Variants in CTPS2 observed in about 807,000 individuals in gnomAD.
CTPS2 encodes CTP synthase 2.
A neutral mutation model predicts 46.8 loss-of-function variants in CTPS2; 19 were observed. That is an observed-to-expected ratio of 0.41 (90% CI 0.28 to 0.60). The LOEUF (loss-of-function observed/expected upper bound fraction) is 0.60. Among genes scored for constraint, CTPS2 ranks in the 20% least tolerant of loss-of-function variants. The pLI is 0.35. For missense variants in CTPS2, 286 were observed against 447.6 expected (o/e 0.64, Z 3.26); for synonymous variants, 151 against 165.2 (o/e 0.91, Z 0.66).
chrX:16,666,947 C>T (rs1176006086), intron 13 of CTPS2, among the ~76,000 whole-genome samples: 1 of 111,177 alleles, frequency 9.0e-6, no homozygotes, highest in Non-Finnish European at 1.9e-5. Flanking sequence ...GTTGTCACAG[C>T]CGATTTAATC....
intron 16 of CTPS2, among the ~76,000 whole-genome samples, chrX:16,610,444 C>A (rs987728589): frequency 9.0e-6 from 1 of 111,274 alleles, no homozygotes; most frequent in Non-Finnish European, 1.9e-5. Context: ...AAAGCTACTA[C>A]TACAGTAATA....
chrX:16,657,149 C>G (rs1932838802), intron 13 of CTPS2, among the ~76,000 whole-genome samples: 1 of 108,177 alleles, frequency 9.2e-6, no homozygotes, highest in Non-Finnish European at 1.9e-5. Flanking sequence ...CTTCGTCTCC[C>G]AAAGTGCTGG....
intron 1 of CTPS2, among the ~76,000 whole-genome samples, chrX:16,709,148 C>T (rs1456900178): frequency 9.0e-6 from 1 of 110,970 alleles, no homozygotes; most frequent in Non-Finnish European, 1.9e-5. Flanking sequence ...GCTTATGTGG[C>T]CGGGCACGGT....
chrX:16,640,266 C>T (rs373612831), intron 13 of CTPS2, among the ~76,000 whole-genome samples: 3 of 111,493 alleles, frequency 2.7e-5, no homozygotes, highest in Non-Finnish European at 5.6e-5. Flanking sequence ...CCCGCCGTGG[C>T]GACTTGGCCC....
intron 1 of CTPS2, among the ~76,000 whole-genome samples, chrX:16,709,218 A>G (rs1199909663): frequency 9.1e-6 from 1 of 109,493 alleles, no homozygotes; most frequent in Non-Finnish European, 1.9e-5. Context: ...GCCTGAGCTC[A>G]GGAGTTCGAG....
intron 13 of CTPS2, among the ~76,000 whole-genome samples, chrX:16,663,481 T>C (rs68113966): frequency 0.13 from 14,064 of 111,021 alleles, 663 homozygotes; most frequent in East Asian, 0.16. Flanking sequence ...CATATTCATA[T>C]GTGTGTGGCT....
intron 15 of CTPS2, among the ~76,000 whole-genome samples, chrX:16,618,497 T>C (rs979352649): frequency 4.5e-5 from 5 of 111,955 alleles, no homozygotes; most frequent in African/African-American, 3.2e-5. Context: ...GTAATTCTTA[T>C]GTCTAACTTT....
At chrX:16,701,559 C>A (rs1397059396) in intron 2 of CTPS2, among the ~76,000 whole-genome samples, 6 of 107,143 alleles carry the variant, frequency 5.6e-5, no homozygotes, top group Non-Finnish European at 1.2e-4. Context: ...GACCCTGTCT[C>A]AAAAAACAAA....
intron 8 of CTPS2, among the ~76,000 whole-genome samples, chrX:16,687,491 A>AG (rs1555973186): frequency 9.7e-4 from 105 of 107,982 alleles, no homozygotes; most frequent in African/African-American, 2.8e-3. Flanking sequence ...AAAAAAAAAA[A>AG]AAAGAAAGAA....
intron 17 of CTPS2, among the ~76,000 whole-genome samples, chrX:16,599,442 A>C (rs1394796778): frequency 9.2e-6 from 1 of 108,467 alleles, no homozygotes; most frequent in African/African-American, 3.4e-5. Context: ...AATGGTCAAC[A>C]TGTAGTTCTT....
At chrX:16,685,675 G>A (rs1569229876) in intron 8 of CTPS2, among the ~76,000 whole-genome samples, 1 of 105,392 alleles carries the variant, frequency 9.5e-6, no homozygotes, top group Admixed American at 1.0e-4. Context: ...TGGCTAACAT[G>A]GTGAAACCCC....
At chrX:16,597,054 T>C (rs764429867) in intron 17 of CTPS2, among the ~76,000 whole-genome samples, 3 of 109,453 alleles carry the variant, frequency 2.7e-5, no homozygotes, top group South Asian at 4.0e-4. Context: ...TGTTTTTTCT[T>C]GTAAATTTGT....
intron 1 of CTPS2, among the ~76,000 whole-genome samples, chrX:16,709,446 A>G (rs1488469903): frequency 9.0e-6 from 1 of 111,022 alleles, no homozygotes; most frequent in Non-Finnish European, 1.9e-5. Flanking sequence ...AAAAAAAGGA[A>G]GAAAGAAAAT....
Position 16,678,424 on chromosome X carries a change from C to G in CTPS2, c.1032G>C (p.Lys344Asn), listed in dbSNP as rs983238790. Residue 344 changes from lysine to asparagine, a missense_variant, in exon 10 of 19, where the codon AAG becomes AAC. Physicochemically the swap from Lys to Asn is moderately conservative, Grantham distance 94. Coordinates refer to ENST00000359276, the MANE Select transcript of CTPS2 (RefSeq NM_175859.3). ...LMYIDSIDLE[K>N]ITETEDPVKF... ...TCACAGGGTCCTCGGTTTCAGTGAT[C>G]TTCTCCAGATCAATGGAGTCTATGT... 2 of 1,198,558 alleles carry G rather than the reference C, an allele frequency of 1.7e-6. No homozygotes were observed. The highest frequency in any genetic ancestry group is 2.3e-6 in the Non-Finnish European group (2 of 886,173).
At chrX:16,644,146 T>C (rs896208746) in intron 13 of CTPS2, among the ~76,000 whole-genome samples, 9 of 109,946 alleles carry the variant, frequency 8.2e-5, no homozygotes, top group Non-Finnish European at 1.3e-4. Flanking sequence ...GATCTTTTTT[T>C]TTTTTTGAGA....
chrX:16,680,325 G>A (rs888351631), intron 9 of CTPS2, among the ~76,000 whole-genome samples: 30 of 110,560 alleles, frequency 2.7e-4, no homozygotes, highest in East Asian at 2.9e-4. Context: ...TTGGGAGGCC[G>A]AGGCAGGTGG....
intron 1 of CTPS2, among the ~76,000 whole-genome samples, chrX:16,707,995 T>G (rs1470690138): frequency 9.3e-6 from 1 of 107,483 alleles, no homozygotes; most frequent in Non-Finnish European, 1.9e-5. Flanking sequence ...AAAGAAAAAA[T>G]AAAAAGAGAG....
chrX:16,633,093 T>G lies in CTPS2; in HGVS notation c.1393+6054A>C, dbSNP rs779168969. Among the ~76,000 whole-genome samples the G allele has an allele frequency of 3.2e-3, 330 of 104,389 alleles. 2 individuals are homozygous for G. Among genetic ancestry groups the G allele is most frequent in the African/African-American group, 0.011 (314 of 28,500 alleles). 90.6% of individuals were successfully genotyped at this position (104,389 alleles called of 115,157 possible). ...CTTTTTCTTTTCTTTTGTTTTTTTTTTTTTTTTTGAGACAGGGTCTCACTC... is the reference window on the plus strand; with the variant it reads ...CTTTTTCTTTTCTTTTGTTTTTTTTGTTTTTTTTGAGACAGGGTCTCACTC... On this transcript the variant is annotated intron_variant, in intron 14 of 18. Coordinates refer to ENST00000359276, the MANE Select transcript of CTPS2 (RefSeq NM_175859.3).
chrX:16,592,851 T>C (rs1199147319), intron 17 of CTPS2, among the ~76,000 whole-genome samples: 1 of 111,798 alleles, frequency 8.9e-6, no homozygotes, highest in Non-Finnish European at 1.9e-5. Flanking sequence ...CCTGATTACC[T>C]TGAGTCACAG....
Sources: allele counts gnomAD v4.1 joint callset (sites outside exome capture counted in the v4.1 genomes callset), GRCh38; gene constraint gnomAD v4.1.1; transcripts MANE v1.5; gene names NCBI Gene and HGNC (gene_info 2026-07-23, HGNC 2026-07-21).